Variants in ZFHX3 observed in about 807,000 individuals in gnomAD.
ZFHX3 encodes the protein zinc finger homeobox protein 3.
In ZFHX3, 42 loss-of-function variants were observed where a neutral mutation model predicts 279.1. That is an observed-to-expected ratio of 0.15 (90% CI 0.12 to 0.19). The LOEUF is 0.19. Among genes scored for constraint, ZFHX3 ranks in the 10% least tolerant of loss-of-function variants. ZFHX3 has a pLI of 1.00. For synonymous variants in ZFHX3, 2,293 were observed against 1,957.8 expected (o/e 1.17, Z -4.52); for missense variants, 4,981 against 4,754.0 (o/e 1.05, Z -1.40).
intron 3 of ZFHX3, among the ~76,000 whole-genome samples, chr16:72,892,188 C>T (rs1027707042): frequency 6.6e-6 from 1 of 152,202 alleles, no homozygotes; most frequent in Non-Finnish European, 1.5e-5. Flanking sequence ...AACTAAGTGT[C>T]ACAGAAAACT....
At chr16:73,386,341 A>T (rs1202866445) in intron 3 of ZFHX3, among the ~76,000 whole-genome samples, 1 of 152,160 alleles carries the variant, frequency 6.6e-6, no homozygotes, top group Non-Finnish European at 1.5e-5. Flanking sequence ...TCTGGATTTG[A>T]ATTCCAGGTT....
chr16:73,465,999 A>G (rs1031313683), intron 2 of ZFHX3, among the ~76,000 whole-genome samples: 4 of 151,576 alleles, frequency 2.6e-5, no homozygotes, highest in Non-Finnish European at 4.4e-5. Flanking sequence ...AGCTCTTCAC[A>G]AAGAAAATGT....
chr16:73,236,371 G>T (rs891266765), intron 5 of ZFHX3, among the ~76,000 whole-genome samples: 1 of 152,194 alleles, frequency 6.6e-6, no homozygotes, highest in Non-Finnish European at 1.5e-5. Flanking sequence ...GCCGAGGCAG[G>T]TGGATCGCTT....
At position 72,794,435 on chromosome 16, in the gene ZFHX3, C is replaced by A. The variant is rs2229287; in HGVS notation, c.8247G>T (p.Ala2749=). ...GTCCCCCATCACAGTCTAAGAGCAT[C>A]GCAGACAGAGTTAGGTTGTAGCCAG... The part of the protein sequence containing the change: ...KRAGYNLTLS[A]MLLDCDGGLQ... The change falls in exon 9 of 10, where the codon GCG becomes GCT. Residue 2749 remains alanine (A), a synonymous_variant. Coordinates refer to ENST00000268489, the MANE Select transcript of ZFHX3 (RefSeq NM_006885.4). This position sits in a 1 kb window ranked among gnomAD's most constrained non-coding sequence, Gnocchi z 4.2. The A allele has an allele frequency of 2.5e-6, 4 of 1,613,638 alleles. No individual in the cohort carries two copies. The highest frequency in any genetic ancestry group is 1.7e-5 in the Admixed American group (1 of 59,932).
At chr16:73,766,947 T>G (rs1039618652) in intron 1 of ZFHX3, among the ~76,000 whole-genome samples, 3 of 133,390 alleles carry the variant, frequency 2.2e-5, no homozygotes, top group Admixed American at 1.4e-4. Flanking sequence ...TTTTTTTTTT[T>G]TTTTCCGAGA....
At chr16:73,108,759 CA>C (rs930542465) in intron 7 of ZFHX3, among the ~76,000 whole-genome samples, 16 of 152,314 alleles carry the variant, frequency 1.1e-4, no homozygotes, top group African/African-American at 3.8e-4. Context: ...TAATCACTCC[CA>C]TGAGGTCTTA....
At chr16:73,279,691 C>A (rs1250979810) in intron 4 of ZFHX3, among the ~76,000 whole-genome samples, 1 of 151,970 alleles carries the variant, frequency 6.6e-6, no homozygotes, top group Non-Finnish European at 1.5e-5. Context: ...GCACTAGAAC[C>A]CATCTTTCAA....
chr16:73,460,941 T>TGCTTC (rs2018460899), intron 2 of ZFHX3, among the ~76,000 whole-genome samples: 1 of 152,220 alleles, frequency 6.6e-6, no homozygotes, highest in South Asian at 2.1e-4. Context: ...GCCAGCATCA[T>TGCTTC]GCTTCCTGTA....
intron 5 of ZFHX3, among the ~76,000 whole-genome samples, chr16:73,207,038 A>G (rs1200863630): frequency 1.3e-5 from 2 of 150,920 alleles, no homozygotes; most frequent in East Asian, 1.9e-4. Flanking sequence ...AAATAAATAA[A>G]TAAATAAATA....
At chr16:73,457,745 G>A (rs1334411665) in intron 2 of ZFHX3, among the ~76,000 whole-genome samples, 2 of 152,048 alleles carry the variant, frequency 1.3e-5, no homozygotes, top group African/African-American at 4.8e-5. Context: ...ACTGCACTCC[G>A]GCCTGGGCAA....
At chr16:72,964,683 A>G (rs202221516) in intron 1 of ZFHX3, among the ~76,000 whole-genome samples, 2 of 141,932 alleles carry the variant, frequency 1.4e-5, no homozygotes, top group East Asian at 2.0e-4. Context: ...AAAAAAAAAA[A>G]GGAAAAAAAT....
intron 9 of ZFHX3, chr16:72,791,214 A>T (rs2035684803): frequency 6.6e-6 from 1 of 152,252 alleles, no homozygotes; most frequent in East Asian, 1.9e-4. Context: ...TGAGGATTAA[A>T]TGAAAGACCA....
intron 5 of ZFHX3, among the ~76,000 whole-genome samples, chr16:73,201,114 C>T (rs1968258463): frequency 6.6e-6 from 1 of 152,252 alleles, no homozygotes; most frequent in African/African-American, 2.4e-5. Context: ...CTGGACACTA[C>T]ACCACCTTGT....
chr16:73,009,250 C>CA (rs1316543818), intron 1 of ZFHX3, among the ~76,000 whole-genome samples: 1 of 152,020 alleles, frequency 6.6e-6, no homozygotes, highest in Non-Finnish European at 1.5e-5. Flanking sequence ...CTCCATAAAT[C>CA]AGTTTTCCAA....
At chr16:73,192,442 G>A (rs549510505) in intron 5 of ZFHX3, among the ~76,000 whole-genome samples, 95 of 152,294 alleles carry the variant, frequency 6.2e-4, no homozygotes, top group African/African-American at 2.2e-3. Context: ...GTGATCCGGT[G>A]CCAGCGGCCC....
chr16:73,702,186 C>T (rs911026211), intron 1 of ZFHX3, among the ~76,000 whole-genome samples: 1 of 152,084 alleles, frequency 6.6e-6, no homozygotes, highest in Non-Finnish European at 1.5e-5. Context: ...CGTTCACACT[C>T]ACTATGGGAG....
chr16:73,683,741 C>G (rs1037171039), intron 1 of ZFHX3, among the ~76,000 whole-genome samples: 1 of 152,082 alleles, frequency 6.6e-6, no homozygotes, highest in Non-Finnish European at 1.5e-5. Flanking sequence ...ACAGCAGCAG[C>G]CATTAAGCCT....
At chr16:73,572,724 G>T (rs186394709) in intron 2 of ZFHX3, among the ~76,000 whole-genome samples, 1 of 152,298 alleles carries the variant, frequency 6.6e-6, no homozygotes, top group Admixed American at 6.5e-5. Context: ...CACAGGCAAG[G>T]CAGACAGATG....
chr16:72,950,213 CA>C (rs1960915089), intron 3 of ZFHX3, among the ~76,000 whole-genome samples: 2 of 152,046 alleles, frequency 1.3e-5, no homozygotes, highest in South Asian at 4.1e-4. Context: ...GAGGCGCTGT[CA>C]ACAAAACCTG....
Sources: gnomAD v4.1 joint callset for allele counts (sites outside exome capture counted in the v4.1 genomes callset) on GRCh38, gnomAD v4.1.1 for gene constraint, Gnocchi (gnomAD v3.1) non-coding constraint, MANE v1.5 for transcripts, NCBI Gene and HGNC (gene_info 2026-07-23, HGNC 2026-07-21) for gene names.